Variants in NBPF3 observed in about 807,000 individuals in gnomAD.
The protein encoded by NBPF3 is NBPF member 3.
Under a neutral mutation model 78.1 loss-of-function variants are expected in NBPF3, and 57 were observed. The ratio of observed to expected loss-of-function variants is 0.73; its 90% CI spans 0.59 to 0.91. The LOEUF is 0.91. Among genes scored for constraint, NBPF3 ranks in the 40% least tolerant of loss-of-function variants. NBPF3 has a pLI of 0.00. For missense variants in NBPF3, 510 were observed against 715.3 expected, an observed-to-expected ratio of 0.71 and a Z score of 3.27; for synonymous variants, 182 against 271.7, an observed-to-expected ratio of 0.67 and a Z score of 3.25.
intron 2 of NBPF3, chr1:21,449,863 CA>C: frequency 1.5e-6 from 1 of 658,998 alleles, no homozygotes. Context: ...CTTCAGGTGG[CA>C]AGGGCTCTGA....
intron 2 of NBPF3, among the ~76,000 whole-genome samples, chr1:21,456,197 A>G (rs986570137): frequency 6.6e-6 from 1 of 152,204 alleles, no homozygotes; most frequent in Non-Finnish European, 1.5e-5. Context: ...TCAGACAGTA[A>G]TTTTACGCCC....
intron 2 of NBPF3, among the ~76,000 whole-genome samples, chr1:21,452,781 C>T (rs769267313): frequency 2.6e-5 from 4 of 152,190 alleles, no homozygotes; most frequent in Non-Finnish European, 5.9e-5. Flanking sequence ...TCTCTTGCAT[C>T]TTCCCTCAGC....
Position 21,456,234 on chromosome 1 carries a change from C to G in NBPF3, c.133+11015C>G, listed in dbSNP as rs557852961. On this transcript the variant is annotated intron_variant, in intron 2 of 14. Transcript: ENST00000318249. ...CTAGAGCAAAATTAATTCACACAAT[C>G]AATGACACAAGTTAGCCAAGTCGAC... Among the ~76,000 whole-genome samples the G allele has an allele frequency of 3.9e-4, 60 of 152,304 alleles. No individual in the cohort carries two copies. The South Asian group carries it at 6.0e-3, about 15-fold the overall frequency.
At chr1:21,477,226 C>T (rs765946683) in intron 8 of NBPF3, among the ~76,000 whole-genome samples, 1 of 152,166 alleles carries the variant, frequency 6.6e-6, no homozygotes, top group African/African-American at 2.4e-5. Flanking sequence ...TTTGCACATC[C>T]TCCTTTAGCT....
In NBPF3 at chr1:21,474,212, T is replaced by TC. The variant is rs1642767497; in HGVS notation, c.940+627_940+628insC. ...TCTTTTCTTTTCTTTTTCTTTTTCT[T>TC]TTTTTTTTTGTGATGGAGTCTGGCT... is the stretch of plus-strand genomic sequence containing the variant. On this transcript the variant is annotated intron_variant, in intron 7 of 14. Coordinates refer to ENST00000318249, the MANE Select transcript of NBPF3 (RefSeq NM_032264.6). Among the ~76,000 whole-genome samples, 3 of 150,608 alleles carry TC rather than the reference T, an allele frequency of 2.0e-5. No individual in the cohort carries two copies. The South Asian group carries it at 6.4e-4, about 32-fold the overall frequency.
rs186151802 is a variant in NBPF3 at position 21,459,124 on chromosome 1, A to T, written c.134-9564A>T. On this transcript the variant is annotated intron_variant, in intron 2 of 14. Coordinates refer to ENST00000318249, the MANE Select transcript of NBPF3 (RefSeq NM_032264.6). ...AGAGAAATATATATCATGTTCATTG[A>T]TTGGAAGATTCAATTTTGTTAGCAT... Among the ~76,000 whole-genome samples, 13 of 152,372 alleles carry T rather than the reference A, an allele frequency of 8.5e-5. No homozygotes were observed. In the East Asian group the frequency reaches 2.5e-3, roughly 29 times the overall value.
At chr1:21,449,492 A>G (rs1165728495) in intron 2 of NBPF3, among the ~76,000 whole-genome samples, 2 of 117,210 alleles carry the variant, frequency 1.7e-5, no homozygotes, top group African/African-American at 7.2e-5. Flanking sequence ...ATTTTTTGAG[A>G]TGGAGATTTT....
chr1:21,461,501 T>TCACTCTGTC (rs1225746185), intron 2 of NBPF3, among the ~76,000 whole-genome samples: 7 of 152,152 alleles, frequency 4.6e-5, no homozygotes, highest in African/African-American at 1.7e-4. Context: ...AGATGGAGTC[T>TCACTCTGTC]CACTCTGTCC....
chr1:21,479,780 A>C (rs1643081464), intron 10 of NBPF3, among the ~76,000 whole-genome samples: 1 of 137,170 alleles, frequency 7.3e-6, no homozygotes, highest in African/African-American at 2.7e-5. Context: ...TGGCCAATTC[A>C]CTGAGCTCAC....
Position 21,468,473 on chromosome 1 carries a change from C to T in NBPF3, c.134-215C>T, listed in dbSNP as rs532853129. ...CCTGGCACACTGGCCTCACTCTTGT[C>T]GGAGACTGAGCTATTGGCAGTGCCT... On this transcript the variant is annotated intron_variant, in intron 2 of 14. Transcript: ENST00000318249. 1.7e-5 allele frequency: 24 copies of T among 1,430,346 alleles called. No individual in the cohort carries two copies. The African/African-American group carries it at 2.9e-4, about 17-fold the overall frequency. 88.6% of individuals were successfully genotyped at this position (1,430,346 alleles called of 1,614,324 possible). A position where few individuals can be genotyped will look rare whatever the true frequency, so the allele number is the denominator to read the frequency against.
intron 3 of NBPF3, among the ~76,000 whole-genome samples, chr1:21,469,363 G>T (rs1459634751): frequency 6.6e-6 from 1 of 152,134 alleles, no homozygotes; most frequent in Non-Finnish European, 1.5e-5. Flanking sequence ...CACAGTACCC[G>T]CTCTGAGGGG....
chr1:21,454,523 A>C (rs576767476), intron 2 of NBPF3, among the ~76,000 whole-genome samples: 1 of 152,284 alleles, frequency 6.6e-6, no homozygotes, highest in Admixed American at 6.5e-5. Flanking sequence ...AGACCTGATA[A>C]TATGACTTAT....
In NBPF3 at chr1:21,470,676, G is replaced by T; in HGVS notation, c.388G>T (p.Glu130Ter). The stretch of plus-strand genomic sequence containing the variant: ...CCTCATAAAATCTATGCTGAGGGAT[G>T]AGCGGCTGCTCACAGAAGAGAAGCT... ...KDLIKSMLRD[E>*]RLLTEEKLAE... Residue 130 changes from glutamate to a stop codon, truncating the protein, a stop_gained, in exon 4 of 15, where the codon GAG becomes TAG. Coordinates refer to ENST00000318249, the MANE Select transcript of NBPF3 (RefSeq NM_032264.6). LOFTEE classifies it high-confidence loss of function. 2 of 1,601,452 alleles carry T rather than the reference G, an allele frequency of 1.2e-6. No homozygotes were observed. The highest frequency in any genetic ancestry group is 1.7e-6 in the Non-Finnish European group (2 of 1,171,792).
chr1:21,465,605 A>G (rs1212259471), intron 2 of NBPF3, among the ~76,000 whole-genome samples: 1 of 152,238 alleles, frequency 6.6e-6, no homozygotes, highest in Non-Finnish European at 1.5e-5. Flanking sequence ...AACTTTGAGT[A>G]TAGCAGAGAC....
chr1:21,479,820 C>CTGTGTGTGTGTGTGTG (rs59451117), intron 10 of NBPF3, among the ~76,000 whole-genome samples: 5,054 of 102,780 alleles, frequency 0.049, 306 homozygotes, highest in South Asian at 0.14. Flanking sequence ...CTCTCTCTCT[C>CTGTGTGTGTGTGTGTG]TGTGTGTGTG....
upstream of NBPF3, among the ~76,000 whole-genome samples, chr1:21,439,076 A>G (rs967336366): frequency 6.6e-6 from 1 of 151,966 alleles, no homozygotes; most frequent in Non-Finnish European, 1.5e-5. Context: ...CTGACCCCTA[A>G]CCAGTTTGGG....
chr1:21,437,209 T>G (rs1444501239), upstream of NBPF3, among the ~76,000 whole-genome samples: 1 of 149,160 alleles, frequency 6.7e-6, no homozygotes, highest in Non-Finnish European at 1.5e-5. Context: ...TAGGGAGGAG[T>G]CTGAGAGTGG....
intron 2 of NBPF3, among the ~76,000 whole-genome samples, chr1:21,456,314 A>G (rs543084267): frequency 6.6e-6 from 1 of 152,346 alleles, no homozygotes; most frequent in East Asian, 1.9e-4. Flanking sequence ...TCAAACTCAC[A>G]TAGAGCATTC....
Position 21,479,359 on chromosome 1 carries a change from T to C in NBPF3, c.1167T>C (p.Cys389=). 1 of 1,611,338 alleles carries C rather than the reference T, an allele frequency of 6.2e-7. No homozygotes were observed. Among genetic ancestry groups the C allele is most frequent in the Middle Eastern group, 1.7e-4 (1 of 6,038 alleles). The change falls in exon 10 of 15, where the codon TGT becomes TGC. Residue 389 remains cysteine, a synonymous_variant. Coordinates refer to ENST00000318249, the MANE Select transcript of NBPF3 (RefSeq NM_032264.6). ...GLALDIGRHW[C]DQVKKEDQEA... ...TGAATTTATTTGCAGGACATTGGTG[T>C]GATCAAGTGAAAAAGGAGGACCAAG...
Sources: gnomAD v4.1 joint callset for allele counts (sites outside exome capture counted in the v4.1 genomes callset) on GRCh38, gnomAD v4.1.1 for gene constraint, MANE v1.5 for transcripts, NCBI Gene and HGNC (gene_info 2026-07-23, HGNC 2026-07-21) for gene names.